The following PRKAG2 variants were observed in gnomAD, a reference collection of about 807,000 sequenced individuals.
PRKAG2 encodes 5'-AMP-activated protein kinase subunit gamma-2.
Under a neutral mutation model 69.6 loss-of-function variants are expected in PRKAG2, and 26 were observed. The observed-to-expected ratio is 0.37, with a 90% CI of 0.27 to 0.52. The LOEUF (loss-of-function observed/expected upper bound fraction) is 0.52. PRKAG2 is among the 20% of genes least tolerant of loss of function. The pLI is 0.90. For missense variants in PRKAG2, 557 were observed against 740.0 expected, an observed-to-expected ratio of 0.75 and a Z score of 2.87; for synonymous variants, 293 against 285.0, an observed-to-expected ratio of 1.03 and a Z score of -0.28.
chr7:151,801,185 T>C (rs1201977737), intron 1 of PRKAG2, among the ~76,000 whole-genome samples: 5 of 152,188 alleles, frequency 3.3e-5, no homozygotes, highest in African/African-American at 1.2e-4. Flanking sequence ...CAATTCTTCC[T>C]GTATCCACGG....
chr7:151,838,128 C>T (rs2079187815), intron 1 of PRKAG2, among the ~76,000 whole-genome samples: 2 of 152,164 alleles, frequency 1.3e-5, no homozygotes, highest in African/African-American at 4.8e-5. Context: ...TCTCTGTTCC[C>T]TCTCCCTCCA....
At position 151,631,998 on chromosome 7, in the gene PRKAG2, C is replaced by T. The variant is rs1019366168; in HGVS notation, c.754+71G>A. On this transcript the variant is annotated intron_variant, in intron 5 of 15. Transcript: ENST00000287878. ...AGCGCCGGAGATGGGGCGCGGGGTC[C>T]CCGCGGGTCCCGGTCCTCGGGCGGC... is the stretch of plus-strand genomic sequence containing the variant. 6.9e-6 allele frequency: 8 copies of T among 1,166,486 alleles called. No individual in the cohort carries two copies. The African/African-American group carries it at 1.1e-4, about 17-fold the overall frequency. The allele number at this position is 1,166,486 out of a possible 1,614,324, so 72.3% of individuals were successfully genotyped here.
chr7:151,578,064 G>A (rs1809411363), intron 6 of PRKAG2, among the ~76,000 whole-genome samples: 1 of 151,288 alleles, frequency 6.6e-6, no homozygotes, highest in Admixed American at 6.6e-5. Context: ...TTGTTGGCTG[G>A]GCACAGTGGC....
intron 3 of PRKAG2, among the ~76,000 whole-genome samples, chr7:151,680,757 G>GC (rs1327316389): frequency 2.6e-5 from 4 of 152,040 alleles, no homozygotes; most frequent in African/African-American, 9.7e-5. Flanking sequence ...GCCCCGACGC[G>GC]CCCCCCAGCT....
At chr7:151,606,094 T>C (rs1365709718) in intron 5 of PRKAG2, among the ~76,000 whole-genome samples, 1 of 152,170 alleles carries the variant, frequency 6.6e-6, no homozygotes, top group African/African-American at 2.4e-5. Context: ...GAGGTCTTAC[T>C]ATGTTGCCCA....
Position 151,675,659 on chromosome 7 carries a change from C to A in PRKAG2, c.467-22G>T, listed in dbSNP as rs375714343. The A allele has an allele frequency of 1.3e-5, 20 of 1,592,106 alleles. No homozygotes were observed. In the South Asian group the frequency reaches 1.7e-4, roughly 13 times the overall value. ...GAGGCTGCAGAAGAAACACCAAGGA[C>A]GGTCAGAGGTCCGGCTTCCAGGAAG... On this transcript the variant is annotated intron_variant, in intron 3 of 15. Coordinates refer to ENST00000287878, the MANE Select transcript of PRKAG2 (RefSeq NM_016203.4).
intron 8 of PRKAG2, 107 bp from the exon 9 acceptor site, chr7:151,572,816 A>G: frequency 1.3e-6 from 1 of 748,880 alleles, no homozygotes; most frequent in Non-Finnish European, 2.1e-6. Flanking sequence ...TCTATTCGCA[A>G]TTAGAAAATG....
At chr7:151,746,224 T>C (rs1795706497) in intron 3 of PRKAG2, among the ~76,000 whole-genome samples, 1 of 152,262 alleles carries the variant, frequency 6.6e-6, no homozygotes, top group Admixed American at 6.5e-5. Flanking sequence ...TTCCAGTGTC[T>C]GGACCTGGGC....
intron 3 of PRKAG2, among the ~76,000 whole-genome samples, chr7:151,702,088 T>C (rs1837812177): frequency 6.6e-6 from 1 of 152,162 alleles, no homozygotes; most frequent in African/African-American, 2.4e-5. Context: ...TTTCCAATGC[T>C]CAACAGCCAG....
chr7:151,622,171 A>T (rs1337421649), intron 5 of PRKAG2, among the ~76,000 whole-genome samples: 3 of 152,210 alleles, frequency 2.0e-5, no homozygotes, highest in Non-Finnish European at 4.4e-5. Context: ...TGGTGAATTC[A>T]TTCTGATGAA....
intron 6 of PRKAG2, among the ~76,000 whole-genome samples, chr7:151,590,491 AAGCTG>A (rs1266576279): frequency 1.3e-5 from 2 of 152,220 alleles, no homozygotes; most frequent in African/African-American, 4.8e-5. Flanking sequence ...GACTCAGATG[AAGCTG>A]AGATTCCAGA....
At chr7:151,599,366 C>T (rs1815429919) in intron 5 of PRKAG2, among the ~76,000 whole-genome samples, 1 of 152,070 alleles carries the variant, frequency 6.6e-6, no homozygotes. Context: ...TGGCCACCCC[C>T]TACATATCCT....
intron 12 of PRKAG2, 45 bp from the exon 13 acceptor site, chr7:151,565,428 AAAG>A: frequency 8.1e-7 from 1 of 1,241,436 alleles, no homozygotes; most frequent in Non-Finnish European, 1.1e-6. Context: ...TAAGGGACAA[AAAG>A]AAATTCATTT....
chr7:151,786,645 C>A, intron 1 of PRKAG2, 104 bp from the exon 2 acceptor site: 1 of 921,970 alleles, frequency 1.1e-6, no homozygotes. Flanking sequence ...AGACCTTATC[C>A]TTCAAATCCA....
intron 1 of PRKAG2, among the ~76,000 whole-genome samples, chr7:151,867,019 G>A (rs1007757945): frequency 2.0e-5 from 3 of 152,132 alleles, no homozygotes; most frequent in African/African-American, 7.2e-5. Context: ...TTTTCTCACA[G>A]CCCCTCCACA....
At chr7:151,736,198 GC>G in intron 3 of PRKAG2, 1 of 1,411,124 alleles carries the variant, frequency 7.1e-7, no homozygotes, top group Non-Finnish European at 9.2e-7. Context: ...CCTCACCGCA[GC>G]CCCAGAGTCT....
In PRKAG2 at chr7:151,632,067, A is replaced by G; in HGVS notation, c.754+2T>C. On this transcript the variant is annotated splice_donor_variant, in intron 5 of 15. Coordinates refer to ENST00000287878, the MANE Select transcript of PRKAG2 (RefSeq NM_016203.4). LOFTEE classifies it high-confidence loss of function. The surrounding 1 kb of genome is among the most constrained non-coding windows in gnomAD (Gnocchi z 4.2). ...GGCCGGCAGCGGGCGGGGCGCACTCACCTTCGTCCTCGAACTCCAGCTTCT... is the reference window on the plus strand; with the variant it reads ...GGCCGGCAGCGGGCGGGGCGCACTCGCCTTCGTCCTCGAACTCCAGCTTCT... 7.2e-7 allele frequency: 1 copy of G among 1,392,318 alleles called. No individual in the cohort carries two copies. The highest frequency in any genetic ancestry group is 9.4e-7 in the Non-Finnish European group (1 of 1,058,994). 86.2% of individuals were successfully genotyped at this position (1,392,318 alleles called of 1,614,324 possible).
At chr7:151,593,071 C>T (rs1813623319) in intron 6 of PRKAG2, among the ~76,000 whole-genome samples, 1 of 152,330 alleles carries the variant, frequency 6.6e-6, no homozygotes, top group African/African-American at 2.4e-5. Flanking sequence ...CTTGGACATC[C>T]ATAAGGCATT....
intron 6 of PRKAG2, among the ~76,000 whole-genome samples, chr7:151,589,137 G>T (rs181303001): frequency 6.6e-6 from 1 of 152,346 alleles, no homozygotes; most frequent in South Asian, 2.1e-4. Flanking sequence ...TCAGCGGCTA[G>T]CAGGGCTCCT....
Sources: allele counts gnomAD v4.1 joint callset (sites outside exome capture counted in the v4.1 genomes callset), GRCh38; gene constraint gnomAD v4.1.1; non-coding constraint Gnocchi (gnomAD v3.1); transcripts MANE v1.5; gene names NCBI Gene and HGNC (gene_info 2026-07-23, HGNC 2026-07-21).